CDH1: variants seen among roughly 807,000 people sequenced by gnomAD.
CDH1 encodes cadherin-1.
A neutral mutation model predicts 84.5 loss-of-function variants in CDH1; 35 were observed. The observed-to-expected ratio is 0.41, with a 90% confidence interval of 0.32 to 0.55. CDH1 has a LOEUF of 0.55. CDH1 is among the 20% of genes least tolerant of loss of function. The pLI is 0.19. For synonymous variants in CDH1, 417 were observed against 439.0 expected (o/e 0.95, Z 0.63); for missense variants, 994 against 1,126.6 (o/e 0.88, Z 1.68).
intron 2 of CDH1, among the ~76,000 whole-genome samples, chr16:68,789,943 C>G (rs190493523): frequency 1.3e-5 from 2 of 152,310 alleles, no homozygotes; most frequent in South Asian, 2.1e-4. Context: ...GTAATCCCAT[C>G]TACTCGGGAG....
intron 2 of CDH1, among the ~76,000 whole-genome samples, chr16:68,789,948 C>T (rs780829838): frequency 2.0e-5 from 3 of 152,032 alleles, no homozygotes; most frequent in Non-Finnish European, 4.4e-5. Context: ...CCCATCTACT[C>T]GGGAGGCTGA....
chr16:68,827,506 C>A (rs1961351925), intron 13 of CDH1, among the ~76,000 whole-genome samples: 1 of 151,708 alleles, frequency 6.6e-6, no homozygotes, highest in Non-Finnish European at 1.5e-5. Flanking sequence ...TCAAATGTAA[C>A]CCTTGTGTTA....
chr16:68,757,765 C>G (rs974713995), intron 2 of CDH1, among the ~76,000 whole-genome samples: 1 of 141,848 alleles, frequency 7.0e-6, no homozygotes, highest in Non-Finnish European at 1.6e-5. Flanking sequence ...CTTTCTCTCT[C>G]TCTCCTTCCT....
intron 2 of CDH1, among the ~76,000 whole-genome samples, chr16:68,764,968 T>C (rs1002310647): frequency 2.0e-5 from 3 of 152,188 alleles, no homozygotes; most frequent in Non-Finnish European, 4.4e-5. Context: ...ATCACTTTTA[T>C]GACTCTGCAA....
chr16:68,781,697 C>T (rs906026338), intron 2 of CDH1, among the ~76,000 whole-genome samples: 1 of 152,122 alleles, frequency 6.6e-6, no homozygotes, highest in East Asian at 1.9e-4. Flanking sequence ...TGATCTCAAA[C>T]TCCTGGACTC....
At chr16:68,832,988 C>T (rs1961524996) in intron 15 of CDH1, among the ~76,000 whole-genome samples, 1 of 152,220 alleles carries the variant, frequency 6.6e-6, no homozygotes, top group Non-Finnish European at 1.5e-5. Flanking sequence ...CCCATCCCAG[C>T]TGGTGGTGTG....
intron 2 of CDH1, among the ~76,000 whole-genome samples, chr16:68,739,667 T>G (rs958641755): frequency 7.0e-6 from 1 of 142,686 alleles, no homozygotes; most frequent in East Asian, 2.1e-4. Flanking sequence ...CAGGCTGGAG[T>G]GTAATGGCGT....
In CDH1 at chr16:68,812,180, G is replaced by A. The variant is rs2152132574; in HGVS notation, c.1054G>A (p.Gly352Ser). 1 of 1,614,186 alleles carries A rather than the reference G, an allele frequency of 6.2e-7. No individual in the cohort carries two copies. The highest frequency in any genetic ancestry group is 8.5e-7 in the Non-Finnish European group (1 of 1,180,020). The part of the protein sequence containing the change: ...TLVVQAADLQ[G>S]EGLSTTATAV... ...GGTGGTTCAAGCTGCTGACCTTCAA[G>A]GTGAGGGGTTAAGCACAACAGCAAC... is the stretch of plus-strand genomic sequence containing the variant. The change falls in exon 8 of 16, where the codon GGT becomes AGT. Residue 352 changes from glycine (G) to serine (S), a missense_variant. Around this residue, in one of 3 missense-constraint regions of CDH1, gnomAD observed 769 missense variants for 881.8 expected, o/e 0.87. Transcript: ENST00000261769.
chr16:68,829,582 C>A (rs1294289348), intron 14 of CDH1, 72 bp from the exon 15 acceptor site: 2 of 1,446,138 alleles, frequency 1.4e-6, no homozygotes, highest in Non-Finnish European at 1.9e-6. Flanking sequence ...AATCTATAAA[C>A]TGAACATAGC....
rs1596963727 is a variant in CDH1 at position 68,822,156 on chromosome 16, A to G, written c.1867A>G (p.Thr623Ala). Residue 623 changes from threonine to alanine, a missense_variant, in exon 12 of 16, where the codon ACA (threonine) becomes GCA (alanine). This residue lies in a region of CDH1 where 769 missense variants were observed against 881.8 expected (regional missense o/e 0.87). Coordinates refer to ENST00000261769, the MANE Select transcript of CDH1 (RefSeq NM_004360.5). ...NIIDADLPPN[T>A]SPFTAELTHG... ...CATTGATGCAGACCTTCCTCCCAAT[A>G]CATCTCCCTTCACAGCAGAACTAAC... is the stretch of plus-strand genomic sequence containing the variant. 1 of 1,614,070 alleles carries G rather than the reference A, an allele frequency of 6.2e-7. No individual in the cohort carries two copies.
intron 3 of CDH1, among the ~76,000 whole-genome samples, chr16:68,808,200 A>T (rs866823978): frequency 6.6e-6 from 1 of 152,220 alleles, no homozygotes. Context: ...ATAAAAAGAG[A>T]ATGCAGTCTT....
chr16:68,824,355 T>C (rs1222778409), intron 13 of CDH1, among the ~76,000 whole-genome samples: 2 of 152,226 alleles, frequency 1.3e-5, no homozygotes, highest in African/African-American at 2.4e-5. Flanking sequence ...CCTTAGACCA[T>C]AGGCAGAGTA....
chr16:68,798,624 C>T (rs1357616827), intron 2 of CDH1, among the ~76,000 whole-genome samples: 1 of 152,178 alleles, frequency 6.6e-6, no homozygotes, highest in Admixed American at 6.5e-5. Context: ...TTCATTTTTT[C>T]AGGCCGCCAC....
chr16:68,743,487 T>C (rs893742994), intron 2 of CDH1, among the ~76,000 whole-genome samples: 4 of 151,974 alleles, frequency 2.6e-5, no homozygotes, highest in Non-Finnish European at 4.4e-5. Context: ...AGCCTCAGCC[T>C]CCTGAGTAGC....
intron 2 of CDH1, among the ~76,000 whole-genome samples, chr16:68,777,152 G>A (rs1319843075): frequency 6.6e-6 from 1 of 152,190 alleles, no homozygotes; most frequent in East Asian, 1.9e-4. Flanking sequence ...GTGTTGGCAT[G>A]GTGCTTCCTT....
chr16:68,784,681 T>A (rs1415854463), intron 2 of CDH1, among the ~76,000 whole-genome samples: 1 of 152,040 alleles, frequency 6.6e-6, no homozygotes, highest in Admixed American at 6.6e-5. Flanking sequence ...GTCCCCAAAG[T>A]CCATTGTATC....
chr16:68,762,207 G>A (rs1319709323), intron 2 of CDH1, among the ~76,000 whole-genome samples: 2 of 152,124 alleles, frequency 1.3e-5, no homozygotes, highest in African/African-American at 2.4e-5. Context: ...TCCTTGCCTG[G>A]CTCATTTCTC....
chr16:68,775,075 A>G (rs1959691131), intron 2 of CDH1, among the ~76,000 whole-genome samples: 1 of 151,034 alleles, frequency 6.6e-6, no homozygotes, highest in East Asian at 2.0e-4. Flanking sequence ...GCAATGAGCT[A>G]TGATTGCACC....
At chr16:68,794,545 G>A (rs1464252868) in intron 2 of CDH1, among the ~76,000 whole-genome samples, 1 of 151,410 alleles carries the variant, frequency 6.6e-6, no homozygotes, top group Non-Finnish European at 1.5e-5. Flanking sequence ...TTAGAGATGG[G>A]GTCTTACTTT....
Sources: allele counts gnomAD v4.1 joint callset (sites outside exome capture counted in the v4.1 genomes callset), GRCh38; gene constraint gnomAD v4.1.1; regional missense constraint gnomAD v4.1.1; transcripts MANE v1.5; gene names NCBI Gene and HGNC (gene_info 2026-07-23, HGNC 2026-07-21).